The following NBAS variants were observed in gnomAD, a reference collection of about 807,000 sequenced individuals.
NBAS encodes NAG/BC035112 fusion.
A neutral mutation model predicts 302.5 loss-of-function variants in NBAS; 219 were observed. The ratio of observed to expected loss-of-function variants is 0.72; its 90% CI spans 0.65 to 0.81. The LOEUF is 0.81. Among genes scored for constraint, NBAS ranks in the 30% least tolerant of loss-of-function variants. The pLI, the probability that NBAS is intolerant of heterozygous loss-of-function variation, is 0.00. For missense variants in NBAS, 2,932 were observed against 2,841.6 expected (o/e 1.03, Z -0.72); for synonymous variants, 1,118 against 1,021.6 (o/e 1.09, Z -1.80).
At chr2:14,976,511 T>G in the NBAS span, among the ~76,000 whole-genome samples, 1 of 152,198 alleles carries the variant, frequency 6.6e-6, no homozygotes, top group Non-Finnish European at 1.5e-5. Flanking sequence ...CCCAGAATGT[T>G]TATACCCTGG....
intron 23 of NBAS, 95 bp from the exon 24 acceptor site, chr2:15,417,807 T>C: frequency 8.1e-7 from 1 of 1,231,786 alleles, no homozygotes. Flanking sequence ...ATTCTTATAA[T>C]CATTTTTTAT....
chr2:15,279,296 T>C (rs1572577648), intron 42 of NBAS, among the ~76,000 whole-genome samples: 1 of 152,184 alleles, frequency 6.6e-6, no homozygotes, highest in African/African-American at 2.4e-5. Context: ...AGAGGTTATA[T>C]GACTTGTTTA....
At chr2:15,211,469 T>C (rs767845913) in intron 48 of NBAS, among the ~76,000 whole-genome samples, 2 of 152,248 alleles carry the variant, frequency 1.3e-5, no homozygotes, top group Non-Finnish European at 2.9e-5. Flanking sequence ...GCATAATTTA[T>C]GCAACTTTTT....
the NBAS span, among the ~76,000 whole-genome samples, chr2:14,784,088 T>A: frequency 6.6e-6 from 1 of 152,186 alleles, no homozygotes; most frequent in East Asian, 1.9e-4. Flanking sequence ...TGAGCATTTT[T>A]TCATGTGTTT....
intron 35 of NBAS, among the ~76,000 whole-genome samples, chr2:15,335,188 A>G (rs868171416): frequency 6.6e-5 from 10 of 152,014 alleles, no homozygotes; most frequent in South Asian, 2.1e-4. Flanking sequence ...AAAAAAAAAA[A>G]AAAAAAAAAA....
chr2:14,853,840 C>T, the NBAS span, among the ~76,000 whole-genome samples: 1 of 128,272 alleles, frequency 7.8e-6, no homozygotes, highest in Non-Finnish European at 1.6e-5. Context: ...CCGAACACCG[C>T]ATATTCTCAC....
the NBAS span, among the ~76,000 whole-genome samples, chr2:15,014,722 A>T: frequency 6.6e-6 from 1 of 152,034 alleles, no homozygotes; most frequent in East Asian, 1.9e-4. Context: ...TTAATGATAC[A>T]TCTGAAGGAA....
intron 48 of NBAS, among the ~76,000 whole-genome samples, chr2:15,217,832 T>C (rs1466078985): frequency 6.6e-6 from 1 of 152,200 alleles, no homozygotes. Flanking sequence ...GGTAAATACA[T>C]CCTCTAGGGC....
intron 38 of NBAS, among the ~76,000 whole-genome samples, chr2:15,309,701 T>A (rs914717025): frequency 1.3e-5 from 2 of 152,206 alleles, no homozygotes; most frequent in African/African-American, 4.8e-5. Flanking sequence ...GATGATAATA[T>A]GATTTTGTTC....
chr2:15,440,770 C>T (rs555068930), intron 21 of NBAS, among the ~76,000 whole-genome samples: 9 of 151,968 alleles, frequency 5.9e-5, no homozygotes, highest in African/African-American at 1.5e-4. Context: ...AAAATTTAGA[C>T]GAATGTATAA....
At chr2:15,239,401 G>GTC (rs1553349678) in intron 44 of NBAS, among the ~76,000 whole-genome samples, 1 of 144,660 alleles carries the variant, frequency 6.9e-6, no homozygotes, top group Non-Finnish European at 1.5e-5. Context: ...GTGTGTGTGT[G>GTC]TATATATATA....
chr2:15,480,074 C>T (rs1680362824), intron 12 of NBAS, among the ~76,000 whole-genome samples: 1 of 150,736 alleles, frequency 6.6e-6, no homozygotes, highest in African/African-American at 2.5e-5. Context: ...GGCATGGTGG[C>T]TCACGCCTGT....
chr2:15,262,094 G>C lies in NBAS; in HGVS notation c.5724+13390C>G, dbSNP rs1170312641. The stretch of plus-strand genomic sequence containing the variant: ...CATCTGCCATACCAGGGGCCACAGG[G>C]TTGATTCAGGAGTGCTCTAACCAGC... On this transcript the variant is annotated intron_variant, in intron 44 of 51. Coordinates refer to ENST00000281513, the MANE Select transcript of NBAS (RefSeq NM_015909.4). Among the ~76,000 whole-genome samples the C allele has an allele frequency of 2.0e-5, 3 of 152,286 alleles. No individual in the cohort carries two copies. The East Asian group carries it at 5.8e-4, about 29-fold the overall frequency.
At chr2:14,995,831 C>T in the NBAS span, among the ~76,000 whole-genome samples, 1 of 152,142 alleles carries the variant, frequency 6.6e-6, no homozygotes, top group Non-Finnish European at 1.5e-5. Flanking sequence ...ATGCACTCCT[C>T]CCAGCTCAGC....
chr2:14,816,279 T>A, the NBAS span, among the ~76,000 whole-genome samples: 9 of 152,280 alleles, frequency 5.9e-5, no homozygotes, highest in South Asian at 1.9e-3. Context: ...CCACCTCCTG[T>A]CAGATTAGCA....
At chr2:15,492,835 G>C (rs1680918183) in intron 11 of NBAS, among the ~76,000 whole-genome samples, 1 of 152,174 alleles carries the variant, frequency 6.6e-6, no homozygotes, top group Non-Finnish European at 1.5e-5. Context: ...TATCCCAACA[G>C]TAACTGTGGA....
intron 26 of NBAS, chr2:15,397,358 A>ATT: frequency 4.2e-6 from 1 of 240,116 alleles, no homozygotes; most frequent in Non-Finnish European, 7.8e-6. Context: ...TTTATTTTTT[A>ATT]TTTTTTTTTC....
chr2:15,428,408 G>A (rs999948356), intron 21 of NBAS, among the ~76,000 whole-genome samples: 1 of 152,262 alleles, frequency 6.6e-6, no homozygotes, highest in African/African-American at 2.4e-5. Flanking sequence ...GATTCTGCAG[G>A]TTGAAAAGTA....
the NBAS span, among the ~76,000 whole-genome samples, chr2:15,143,011 C>A: frequency 2.0e-5 from 3 of 152,188 alleles, no homozygotes; most frequent in Non-Finnish European, 2.9e-5. Context: ...ACAAACTGGT[C>A]CGTGCAGTAT....
Sources: gnomAD v4.1 joint callset for allele counts (sites outside exome capture counted in the v4.1 genomes callset) on GRCh38, gnomAD v4.1.1 for gene constraint, MANE v1.5 for transcripts, NCBI Gene and HGNC (gene_info 2026-07-23, HGNC 2026-07-21) for gene names.